The following TGM6 variants were observed in gnomAD, a reference collection of about 807,000 sequenced individuals.
The protein encoded by TGM6 is transglutaminase 6.
A neutral mutation model predicts 77.5 loss-of-function variants in TGM6; 74 were observed. The observed-to-expected ratio is 0.96, with a 90% CI of 0.79 to 1.16. The LOEUF (loss-of-function observed/expected upper bound fraction) is 1.16, where lower values mean the gene tolerates loss of function less well. Ranked by LOEUF, TGM6 falls within the 50% of genes most tolerant of loss-of-function variation. The probability of loss-of-function intolerance (pLI) is 0.00; values close to 1 mark genes in which losing one functional copy is unlikely to be tolerated. For synonymous variants in TGM6, 383 were observed against 378.9 expected, an observed-to-expected ratio of 1.01 and a Z score of -0.12; for missense variants, 968 against 940.2, an observed-to-expected ratio of 1.03 and a Z score of -0.39.
intron 9 of TGM6, among the ~76,000 whole-genome samples, chr20:2,416,950 T>C (rs2084820399): frequency 6.6e-6 from 1 of 152,182 alleles, no homozygotes. Context: ...AAAAAAAATA[T>C]AGCACCAAGT....
intron 1 of TGM6, among the ~76,000 whole-genome samples, chr20:2,383,883 G>A (rs547509843): frequency 2.5e-4 from 38 of 151,986 alleles, no homozygotes; most frequent in Non-Finnish European, 1.0e-4. Flanking sequence ...CAAGGTGAGC[G>A]GATCATGAGG....
intron 9 of TGM6, among the ~76,000 whole-genome samples, chr20:2,412,022 G>A (rs895431242): frequency 6.6e-6 from 1 of 152,102 alleles, no homozygotes; most frequent in African/African-American, 2.4e-5. Flanking sequence ...AACATCTATA[G>A]CCATACCACC....
chr20:2,397,788 CCCCTGGTGG>C, intron 4 of TGM6, 121 bp from the exon 5 acceptor site: 1 of 1,454,692 alleles, frequency 6.9e-7, no homozygotes, highest in East Asian at 2.3e-5. Flanking sequence ...CTCTGTGATG[CCCCTGGTGG>C]TTGGAGGGGG....
rs558669033 is a variant in TGM6 at position 2,417,263 on chromosome 20, G to A, written c.1368G>A (p.Lys456=). The change falls in exon 10 of 13, where the codon AAG becomes AAA. Residue 456 remains lysine (K), a synonymous_variant. Coordinates refer to ENST00000202625, the MANE Select transcript of TGM6 (RefSeq NM_198994.3). ...GSRKERQVYS[K]AVNRLFGVEA... is the part of the protein sequence containing the mutation. ...GGAAAGAGAGGCAGGTGTACAGCAAGGCGGTGAACAGGCTGTTCGGCGTGG... is the reference window on the plus strand; with the variant it reads ...GGAAAGAGAGGCAGGTGTACAGCAAAGCGGTGAACAGGCTGTTCGGCGTGG... The A allele has an allele frequency of 1.1e-5, 17 of 1,607,920 alleles. No homozygotes were observed. In the South Asian group the frequency reaches 1.7e-4, roughly 16 times the overall value.
rs138015247 is a variant in TGM6, at chr20:2,384,674, A to G, written c.7+3699A>G. The stretch of plus-strand genomic sequence containing the variant: ...ACAGCCAACGAGGGGCAAAGCCTGC[A>G]TGTGAGCTCAAGTGTGTGCCTCTGA... On this transcript the variant is annotated intron_variant, in intron 1 of 12. Transcript: ENST00000202625. Among the ~76,000 whole-genome samples the G allele has an allele frequency of 2.0e-3, 298 of 152,352 alleles. 1 individual carries two copies. Among genetic ancestry groups the G allele is most frequent in the African/African-American group, 6.9e-3 (287 of 41,580 alleles).
intron 9 of TGM6, among the ~76,000 whole-genome samples, chr20:2,415,012 T>C (rs575388401): frequency 7.2e-4 from 110 of 151,922 alleles, no homozygotes; most frequent in Non-Finnish European, 1.2e-3. Flanking sequence ...CTAAGAAACA[T>C]TGAATTGCAC....
chr20:2,393,844 ACAGAAACG>A (rs1456182843), intron 1 of TGM6, among the ~76,000 whole-genome samples: 1 of 152,124 alleles, frequency 6.6e-6, no homozygotes, highest in Non-Finnish European at 1.5e-5. Flanking sequence ...GTATCTTTAA[ACAGAAACG>A]CACATATAAT....
Position 2,417,416 on chromosome 20 carries a change from G to T in TGM6, c.1521G>T (p.Leu507=). The change falls in exon 10 of 13, where the codon CTG becomes CTT. Residue 507 remains leucine, a synonymous_variant. Transcript: ENST00000202625. ...GKFKVLEPPM[L]GHDLRLALCL... ...TCAAGGTGCTAGAGCCTCCCATGCT[G>T]GGCCACGACCTGAGACTGGCCCTGT... 6.2e-7 allele frequency: 1 copy of T among 1,613,198 alleles called. No individual in the cohort carries two copies. Among genetic ancestry groups the T allele is most frequent in the Non-Finnish European group, 8.5e-7 (1 of 1,180,030 alleles).
intron 9 of TGM6, among the ~76,000 whole-genome samples, chr20:2,410,097 G>A (rs1327511738): frequency 6.6e-6 from 1 of 152,150 alleles, no homozygotes; most frequent in Non-Finnish European, 1.5e-5. Context: ...GAGATGACTA[G>A]GGGCATCTAG....
At chr20:2,394,395 A>G in intron 1 of TGM6, 57 bp from the exon 2 acceptor site, 1 of 1,592,428 alleles carries the variant, frequency 6.3e-7, no homozygotes, top group South Asian at 1.1e-5. Flanking sequence ...GGACAAGCTC[A>G]GAGTGGGTGA....
chr20:2,412,471 T>C (rs1161183892), intron 9 of TGM6, among the ~76,000 whole-genome samples: 1 of 143,604 alleles, frequency 7.0e-6, no homozygotes, highest in African/African-American at 2.9e-5. Flanking sequence ...TTAAAAATGG[T>C]TAAGATGGTA....
chr20:2,390,864 G>T (rs545034048), intron 1 of TGM6, among the ~76,000 whole-genome samples: 3 of 152,044 alleles, frequency 2.0e-5, no homozygotes, highest in Admixed American at 2.0e-4. Context: ...GGGAACAGCA[G>T]GTGCAAAGGC....
At position 2,430,517 on chromosome 20, in the gene TGM6, T is replaced by C. The variant is rs1277231120; in HGVS notation, c.1750T>C (p.Leu584=). 7.4e-6 allele frequency: 12 copies of C among 1,614,208 alleles called. No individual in the cohort carries two copies. Among genetic ancestry groups the C allele is most frequent in the Admixed American group, 1.7e-5 (1 of 60,024 alleles). Residue 584 remains leucine, a synonymous_variant, in exon 11 of 13, where the codon TTG becomes CTG. Coordinates refer to ENST00000202625, the MANE Select transcript of TGM6 (RefSeq NM_198994.3). The part of the protein sequence containing the change: ...EDLTEDKKIL[L]AAMCLVTKGE... ...CCTGACAGAGGACAAGAAGATCCTG[T>C]TGGCTGCCATGTGCCTTGTCACCAA...
At chr20:2,381,617 G>A (rs1192303721) in intron 1 of TGM6, among the ~76,000 whole-genome samples, 1 of 152,202 alleles carries the variant, frequency 6.6e-6, no homozygotes, top group Non-Finnish European at 1.5e-5. Flanking sequence ...CTTGTAAACA[G>A]TAGACTCAGA....
rs559046657 is a variant in TGM6 at position 2,396,614 on chromosome 20, A to G, written c.533A>G (p.Asn178Ser). The change falls in exon 4 of 13, where the codon AAC becomes AGC. Residue 178 changes from asparagine (N) to serine (S), a missense_variant. Coordinates refer to ENST00000202625, the MANE Select transcript of TGM6 (RefSeq NM_198994.3). ...VEKHIRAQGW[N>S]YGQFEEDILN... ...AAGCACATACGAGCCCAGGGCTGGA[A>G]CTACGGGCAGGTCTCCAGGGGCACA... 2.5e-6 allele frequency: 4 copies of G among 1,614,196 alleles called. No homozygotes were observed. The highest frequency in any genetic ancestry group is 2.5e-6 in the Non-Finnish European group (3 of 1,180,022).
intron 12 of TGM6, among the ~76,000 whole-genome samples, chr20:2,431,869 G>T (rs188974422): frequency 2.6e-5 from 4 of 152,314 alleles, no homozygotes; most frequent in Admixed American, 6.5e-5. Flanking sequence ...TGGAAAAAGA[G>T]AACTTGATTT....
intron 9 of TGM6, among the ~76,000 whole-genome samples, chr20:2,407,134 G>A (rs1165853078): frequency 2.6e-5 from 4 of 152,170 alleles, no homozygotes; most frequent in African/African-American, 9.6e-5. Context: ...AGAACCCAGA[G>A]CCCATGCTCC....
intron 5 of TGM6, among the ~76,000 whole-genome samples, chr20:2,398,658 T>A (rs1341895616): frequency 6.7e-6 from 1 of 149,324 alleles, no homozygotes; most frequent in African/African-American, 2.5e-5. Context: ...TGGCACAACA[T>A]CAATTCCACC....
At chr20:2,415,088 G>T (rs1263724801) in intron 9 of TGM6, among the ~76,000 whole-genome samples, 1 of 152,124 alleles carries the variant, frequency 6.6e-6, no homozygotes, top group East Asian at 1.9e-4. Flanking sequence ...AAAATCAGGT[G>T]GTCAGAGAAG....
Sources: allele counts gnomAD v4.1 joint callset (sites outside exome capture counted in the v4.1 genomes callset), GRCh38; gene constraint gnomAD v4.1.1; transcripts MANE v1.5; gene names NCBI Gene and HGNC (gene_info 2026-07-23, HGNC 2026-07-21).